Variants in SRGAP1 observed in about 807,000 individuals in gnomAD.
SRGAP1 encodes the protein SLIT-ROBO Rho GTPase activating protein 1.
In SRGAP1, 43 loss-of-function variants were observed where a neutral mutation model predicts 121.9. The observed-to-expected ratio is 0.35, with a 90% confidence interval of 0.28 to 0.46. The LOEUF is 0.46. SRGAP1 is among the 20% of genes least tolerant of loss of function. The pLI is 1.00. For missense variants in SRGAP1, 1,102 were observed against 1,350.9 expected (o/e 0.82, Z 2.89); for synonymous variants, 447 against 485.4 (o/e 0.92, Z 1.04).
intron 7 of SRGAP1, 96 bp downstream of exon 7, chr12:64,063,234 T>C (rs2035481726): frequency 8.6e-7 from 1 of 1,157,626 alleles, no homozygotes; most frequent in African/African-American, 1.5e-5. Context: ...TTCCCAGTTG[T>C]TTTCTCTCTC....
intron 1 of SRGAP1, chr12:63,983,109 T>A (rs1202098140): frequency 6.6e-6 from 1 of 152,242 alleles, no homozygotes; most frequent in Non-Finnish European, 1.5e-5. Context: ...AAAGAAGTTA[T>A]TTTTAGGCAC....
intron 1 of SRGAP1, among the ~76,000 whole-genome samples, chr12:63,940,310 C>A (rs529478850): frequency 1.3e-5 from 2 of 151,802 alleles, no homozygotes; most frequent in African/African-American, 2.4e-5. Context: ...TTCCATCCCC[C>A]ACTCCATCCT....
intron 8 of SRGAP1, among the ~76,000 whole-genome samples, chr12:64,076,320 T>C (rs916718499): frequency 6.6e-6 from 1 of 152,012 alleles, no homozygotes; most frequent in Non-Finnish European, 1.5e-5. Flanking sequence ...TTATCAGAAA[T>C]AAATGACAAA....
At position 63,967,803 on chromosome 12, in the gene SRGAP1, G is replaced by A. The variant is rs145240819; in HGVS notation, c.68-16144G>A. Among the ~76,000 whole-genome samples, 59 of 152,332 alleles carry A rather than the reference G, an allele frequency of 3.9e-4. No homozygotes were observed. In the East Asian group the frequency reaches 0.01, roughly 26 times the overall value. ...CCTTTGTTAGCAAAAGTGATGAACA[G>A]GTTTTGTATCAGCACTGAGAGCAGA... On this transcript the variant is annotated intron_variant, in intron 1 of 21. Coordinates refer to ENST00000355086, the MANE Select transcript of SRGAP1 (RefSeq NM_020762.4).
chr12:64,140,098 T>G (rs1389409383), intron 21 of SRGAP1, among the ~76,000 whole-genome samples: 2 of 147,964 alleles, frequency 1.4e-5, no homozygotes, highest in African/African-American at 2.6e-5. Flanking sequence ...TCCATTGATC[T>G]ATATCTCTGT....
intron 6 of SRGAP1, among the ~76,000 whole-genome samples, chr12:64,051,287 G>A (rs929137156): frequency 1.3e-5 from 2 of 152,178 alleles, no homozygotes; most frequent in African/African-American, 4.8e-5. Context: ...TAAAATTGCT[G>A]TCTTTGGGTG....
At chr12:63,891,941 G>A (rs1900594846) in intron 1 of SRGAP1, among the ~76,000 whole-genome samples, 1 of 142,538 alleles carries the variant, frequency 7.0e-6, no homozygotes, top group Non-Finnish European at 1.5e-5. Flanking sequence ...AGCTGAGACT[G>A]TACTACTCCA....
chr12:64,092,791 A>C (rs2136586485), intron 12 of SRGAP1, among the ~76,000 whole-genome samples: 1 of 152,324 alleles, frequency 6.6e-6, no homozygotes, highest in Admixed American at 6.5e-5. Context: ...AAGAGAATAT[A>C]GAAAAGCTGC....
intron 1 of SRGAP1, among the ~76,000 whole-genome samples, chr12:63,935,468 T>A (rs931642624): frequency 1.3e-5 from 2 of 152,216 alleles, no homozygotes; most frequent in Non-Finnish European, 2.9e-5. Context: ...TGAAGTGAAT[T>A]TTCTGAGAAT....
chr12:64,047,635 C>T (rs2035157212), intron 6 of SRGAP1, among the ~76,000 whole-genome samples: 1 of 152,084 alleles, frequency 6.6e-6, no homozygotes, highest in Non-Finnish European at 1.5e-5. Flanking sequence ...TTTATATAAA[C>T]CCCCAGTTTC....
At chr12:64,025,216 G>A (rs1169961244) in intron 4 of SRGAP1, among the ~76,000 whole-genome samples, 1 of 151,744 alleles carries the variant, frequency 6.6e-6, no homozygotes, top group African/African-American at 2.4e-5. Flanking sequence ...ATTATTTCAA[G>A]CCCTTCCTTG....
intron 1 of SRGAP1, among the ~76,000 whole-genome samples, chr12:63,926,270 T>TA (rs1455616132): frequency 1.3e-5 from 2 of 152,194 alleles, no homozygotes; most frequent in Non-Finnish European, 2.9e-5. Flanking sequence ...AAATAATAGT[T>TA]AAGAGTTGCT....
intron 1 of SRGAP1, among the ~76,000 whole-genome samples, chr12:63,948,819 G>A (rs11175214): frequency 1.2e-3 from 138 of 112,798 alleles, no homozygotes; most frequent in Non-Finnish European, 1.7e-3. Flanking sequence ...CCATATATAT[G>A]TTTTCCATAT....
intron 8 of SRGAP1, among the ~76,000 whole-genome samples, chr12:64,072,721 T>C (rs1384728113): frequency 1.3e-5 from 2 of 152,144 alleles, no homozygotes; most frequent in Non-Finnish European, 2.9e-5. Context: ...TGTGAGACAA[T>C]ACATTTCTGT....
intron 1 of SRGAP1, among the ~76,000 whole-genome samples, chr12:63,976,856 G>C (rs2033108110): frequency 6.6e-6 from 1 of 151,832 alleles, no homozygotes; most frequent in Admixed American, 6.6e-5. Context: ...GGTCCTTTCT[G>C]ACCTAGTCTG....
chr12:64,131,003 A>G (rs759761392), intron 21 of SRGAP1, among the ~76,000 whole-genome samples: 1 of 152,196 alleles, frequency 6.6e-6, no homozygotes, highest in Non-Finnish European at 1.5e-5. Flanking sequence ...CAAATTGAGC[A>G]CTAAGCAGTG....
chr12:63,886,407 T>C (rs1339227761), intron 1 of SRGAP1, among the ~76,000 whole-genome samples: 1 of 149,330 alleles, frequency 6.7e-6, no homozygotes, highest in Admixed American at 6.6e-5. Context: ...AAAATTTATA[T>C]GAAGTTGTAA....
chr12:64,035,298 A>G (rs1246582236), intron 4 of SRGAP1, among the ~76,000 whole-genome samples: 1 of 150,950 alleles, frequency 6.6e-6, no homozygotes, highest in Non-Finnish European at 1.5e-5. Flanking sequence ...TCTCTACCTA[A>G]TTCTCACTCA....
intron 6 of SRGAP1, among the ~76,000 whole-genome samples, chr12:64,049,007 T>C (rs1218393034): frequency 6.6e-6 from 1 of 152,208 alleles, no homozygotes; most frequent in Non-Finnish European, 1.5e-5. Flanking sequence ...TTTAACTTGA[T>C]GTGTTTCCAT....
Sources: allele counts gnomAD v4.1 joint callset (sites outside exome capture counted in the v4.1 genomes callset), GRCh38; gene constraint gnomAD v4.1.1; transcripts MANE v1.5; gene names NCBI Gene and HGNC (gene_info 2026-07-23, HGNC 2026-07-21).